TAF12: variants seen among roughly 807,000 people sequenced by gnomAD.
TAF12 encodes the protein transcription initiation factor TFIID subunit 12.
Under a neutral mutation model 20.8 loss-of-function variants are expected in TAF12, and 3 were observed. The observed-to-expected ratio is 0.14, with a 90% confidence interval of 0.07 to 0.37. The LOEUF (loss-of-function observed/expected upper bound fraction) is 0.37. TAF12 is among the 10% of genes least tolerant of loss of function. The pLI is 1.00. For synonymous variants in TAF12, 69 were observed against 70.2 expected (o/e 0.98, Z 0.09); for missense variants, 131 against 197.9 (o/e 0.66, Z 2.03).
intron 1 of TAF12, chr1:28,623,840 G>T: frequency 2.3e-6 from 1 of 427,922 alleles, no homozygotes; most frequent in Non-Finnish European, 3.1e-6. Flanking sequence ...TGAGACTCCT[G>T]AATCTTAGAG....
chr1:28,635,146 C>G (rs1217081947), intron 1 of TAF12, among the ~76,000 whole-genome samples: 2 of 113,240 alleles, frequency 1.8e-5, no homozygotes, highest in Non-Finnish European at 3.7e-5. Flanking sequence ...AGGAGAATAG[C>G]GCGAACCCGG....
intron 1 of TAF12, among the ~76,000 whole-genome samples, chr1:28,626,463 C>T (rs961292203): frequency 1.3e-5 from 2 of 151,094 alleles, no homozygotes; most frequent in Admixed American, 6.6e-5. Flanking sequence ...CACCTGTAGT[C>T]CCAGCTACTT....
intron 4 of TAF12, among the ~76,000 whole-genome samples, chr1:28,612,409 C>T (rs1168338125): frequency 6.7e-6 from 1 of 150,272 alleles, no homozygotes. Context: ...CATCACTGCA[C>T]TCTAACCTGG....
At chr1:28,611,240 T>C (rs1557458692) in intron 4 of TAF12, among the ~76,000 whole-genome samples, 1 of 150,692 alleles carries the variant, frequency 6.6e-6, no homozygotes, top group Admixed American at 6.6e-5. Context: ...AAGGGTAGGA[T>C]TGGGGAATGT....
intron 1 of TAF12, among the ~76,000 whole-genome samples, chr1:28,636,075 C>A (rs1667814649): frequency 2.0e-5 from 3 of 152,104 alleles, no homozygotes; most frequent in Admixed American, 2.0e-4. Context: ...TATTTCCCAG[C>A]CTAAATAAGC....
At chr1:28,619,772 G>A (rs575979633) in intron 2 of TAF12, among the ~76,000 whole-genome samples, 13 of 151,264 alleles carry the variant, frequency 8.6e-5, no homozygotes, top group Non-Finnish European at 1.8e-4. Flanking sequence ...CCAACATGGC[G>A]AAACCCTGTC....
upstream of TAF12, chr1:28,645,967 GA>G (rs35962385): frequency 0.42 from 59,045 of 142,276 alleles, 12,682 homozygotes; most frequent in African/African-American, 0.57. Flanking sequence ...GACTGTCTGG[GA>G]AAAAAAAAAA....
chr1:28,602,919 GAAGCTGGACT>G lies in TAF12; in HGVS notation c.*610_*619del, dbSNP rs1666554578. The G allele has an allele frequency of 6.6e-6, 1 of 152,132 alleles. No homozygotes were observed. 9.4% of individuals were successfully genotyped at this position (152,132 alleles called of 1,614,324 possible). On this transcript the variant is annotated 3_prime_UTR_variant, in exon 6 of 6. Transcript: ENST00000373824. ...CACCCTACTCAATTCTTATGGCCGA[GAAGCTGGACT>G]CAAACTCCTGCTGATGTTATGGCCT...
At chr1:28,623,535 T>C (rs1667289117) in intron 1 of TAF12, among the ~76,000 whole-genome samples, 2 of 151,894 alleles carry the variant, frequency 1.3e-5, no homozygotes, top group South Asian at 4.1e-4. Flanking sequence ...CAAGACATTT[T>C]TGAGAACTTT....
In TAF12 at chr1:28,632,548, C is replaced by T. The variant is rs376470852; in HGVS notation, c.-84-10383G>A. ...ACAACAACAAAAAAAAGACTACTGA[C>T]GCATGCAACAACACAGATGAATCTC... On this transcript the variant is annotated intron_variant, in intron 1 of 5. Coordinates refer to ENST00000373824, the MANE Select transcript of TAF12 (RefSeq NM_005644.4). 2.1e-3 allele frequency among the ~76,000 whole-genome samples: 318 copies of T among 152,044 alleles called. 1 individual carries two copies. The South Asian group carries it at 0.025, about 12-fold the overall frequency.
upstream of TAF12, chr1:28,646,223 GC>G: frequency 6.6e-6 from 1 of 152,404 alleles, no homozygotes. Context: ...GCTGCAGTGA[GC>G]TATGATTGCA....
intron 5 of TAF12, 52 bp from the exon 6 acceptor site, chr1:28,603,626 C>A: frequency 6.3e-7 from 1 of 1,592,800 alleles, no homozygotes; most frequent in Non-Finnish European, 8.6e-7. Context: ...GAGTCAGGAG[C>A]TTTCTGGAAC....
At chr1:28,637,467 C>G (rs1411164456) in intron 1 of TAF12, among the ~76,000 whole-genome samples, 1 of 152,058 alleles carries the variant, frequency 6.6e-6, no homozygotes, top group African/African-American at 2.4e-5. Context: ...GAGTTCAAGA[C>G]CAGCCTGACC....
At chr1:28,644,571 G>A (rs1026052482), upstream of TAF12, among the ~76,000 whole-genome samples, 3 of 152,206 alleles carry the variant, frequency 2.0e-5, no homozygotes, top group Admixed American at 2.0e-4. Flanking sequence ...TGGCTAAGAC[G>A]GATGATCTCT....
Position 28,613,317 on chromosome 1 carries a change from T to C in TAF12, c.291A>G (p.Thr97=), listed in dbSNP as rs1164546667. 1.9e-6 allele frequency: 3 copies of C among 1,612,220 alleles called. No individual in the cohort carries two copies. The highest frequency in any genetic ancestry group is 2.5e-6 in the Non-Finnish European group (3 of 1,179,404). The change falls in exon 4 of 6, where the codon ACA becomes ACG. Residue 97 remains threonine (T), a synonymous_variant. Transcript: ENST00000373824. ...IADDFIESVV[T]AACQLARHRK... ...GATGCCGCGCAAGCTGACAGGCTGC[T>C]GTCACCACACTCTCGATAAAATCAT...
rs1477519310 is a variant in TAF12, at chr1:28,643,063, C to G, written c.-156G>C. On this transcript the variant is annotated 5_prime_UTR_variant, in exon 1 of 6. Transcript: ENST00000373824. ...GAAGCGTTCGTCTCAGCAGCCGGTCCGACTGCGCGGCCCTCCCCGACTACT... is the reference window on the plus strand; with the variant it reads ...GAAGCGTTCGTCTCAGCAGCCGGTCGGACTGCGCGGCCCTCCCCGACTACT... 6.1e-6 allele frequency: 6 copies of G among 985,816 alleles called. No homozygotes were observed. The highest frequency in any genetic ancestry group is 4.7e-5 in the South Asian group (1 of 21,298). The allele number at this position is 985,816 out of a possible 1,614,324, so 61.1% of individuals were successfully genotyped here. A position where few individuals can be genotyped will look rare whatever the true frequency, so the allele number is the denominator to read the frequency against.
At chr1:28,634,415 CAAAAA>C (rs1159192480) in intron 1 of TAF12, among the ~76,000 whole-genome samples, 1 of 41,538 alleles carries the variant, frequency 2.4e-5, no homozygotes, top group African/African-American at 8.5e-5. Context: ...GACTCCATCT[CAAAAA>C]AAAAAAAAAA....
At chr1:28,626,921 AT>A (rs957053525) in intron 1 of TAF12, among the ~76,000 whole-genome samples, 7 of 151,210 alleles carry the variant, frequency 4.6e-5, no homozygotes, top group South Asian at 2.1e-4. Flanking sequence ...CAAAAAAAAA[AT>A]TTTTTTTTTA....
intron 1 of TAF12, among the ~76,000 whole-genome samples, chr1:28,629,207 A>G (rs543604860): frequency 1.3e-5 from 2 of 152,332 alleles, no homozygotes; most frequent in South Asian, 4.1e-4. Context: ...TATGGGACCA[A>G]GAACGTCTTA....
Sources: allele counts gnomAD v4.1 joint callset (sites outside exome capture counted in the v4.1 genomes callset), GRCh38; gene constraint gnomAD v4.1.1; transcripts MANE v1.5; gene names NCBI Gene and HGNC (gene_info 2026-07-23, HGNC 2026-07-21).